The following NPHP4 variants were observed in gnomAD, a reference collection of about 807,000 sequenced individuals.
NPHP4 encodes the protein nephrocystin-4.
A neutral mutation model predicts 155.8 loss-of-function variants in NPHP4; 151 were observed. The observed-to-expected ratio is 0.97, with a 90% CI of 0.85 to 1.11. The LOEUF is 1.11. NPHP4 is among the 50% of genes least tolerant of loss of function. NPHP4 has a pLI of 0.00. For synonymous variants in NPHP4, 845 were observed against 816.8 expected (o/e 1.03, Z -0.59); for missense variants, 1,956 against 1,925.7 (o/e 1.02, Z -0.29).
At position 5,867,081 on chromosome 1, in the gene NPHP4, T is replaced by A; in HGVS notation, c.3507A>T (p.Pro1169=). Residue 1169 remains proline (P), a synonymous_variant, in exon 25 of 30, where the codon CCA becomes CCT. Coordinates refer to ENST00000378156, the MANE Select transcript of NPHP4 (RefSeq NM_015102.5). This position sits in a 1 kb window ranked among gnomAD's most constrained non-coding sequence, Gnocchi z 4.1. ...TCGGGTCGCTGCAGCGAACATGGAC[T>A]GGGGGGTCCTCACCAAGCATTCCCA... ...APVGMLGEDP[P]VHVRCSDPNV... The A allele has an allele frequency of 6.2e-7, 1 of 1,612,992 alleles. No individual in the cohort carries two copies. Among genetic ancestry groups the A allele is most frequent in the Non-Finnish European group, 8.5e-7 (1 of 1,179,522 alleles).
rs983911808 is a variant in NPHP4 at position 5,888,062 on chromosome 1, G to A, written c.2305-596C>T. The stretch of plus-strand genomic sequence containing the variant: ...GGTAGAGGCCCGTGGGGCCCAGGGA[G>A]GGGCCATGGGGCACGAGAGGCCCGC... On this transcript the variant is annotated intron_variant, in intron 17 of 29. Transcript: ENST00000378156. 1.2e-4 allele frequency among the ~76,000 whole-genome samples: 19 copies of A among 152,286 alleles called. No homozygotes were observed. In the East Asian group the frequency reaches 3.7e-3, roughly 29 times the overall value.
chr1:5,919,959 G>A lies in NPHP4; in HGVS notation c.1441+7690C>T, dbSNP rs151172979. 1.2e-4 allele frequency among the ~76,000 whole-genome samples: 18 copies of A among 152,214 alleles called. No individual in the cohort carries two copies. In the East Asian group the frequency reaches 3.3e-3, roughly 28 times the overall value. On this transcript the variant is annotated intron_variant, in intron 11 of 29. Coordinates refer to ENST00000378156, the MANE Select transcript of NPHP4 (RefSeq NM_015102.5). Reference sequence around the variant, plus strand: ...ATCTACCTATCTATCTAGAGACAGAGTCTCACTCTATCGTCCAGGCTGGAG... The same window carrying A: ...ATCTACCTATCTATCTAGAGACAGAATCTCACTCTATCGTCCAGGCTGGAG...
intron 3 of NPHP4, among the ~76,000 whole-genome samples, chr1:5,975,831 G>T (rs1044607771): frequency 6.6e-6 from 1 of 152,240 alleles, no homozygotes; most frequent in Non-Finnish European, 1.5e-5. Context: ...AGGGCAGAGA[G>T]AGGCATCCAT....
At chr1:5,966,687 C>T (rs1305343440) in intron 5 of NPHP4, among the ~76,000 whole-genome samples, 1 of 152,174 alleles carries the variant, frequency 6.6e-6, no homozygotes, top group Non-Finnish European at 1.5e-5. Context: ...CCCACACTCC[C>T]CCAACTGCTA....
intron 10 of NPHP4, among the ~76,000 whole-genome samples, chr1:5,929,305 A>G (rs193291767): frequency 2.0e-5 from 3 of 152,282 alleles, no homozygotes; most frequent in African/African-American, 7.2e-5. Context: ...GACTTACAGC[A>G]CTGACTACAA....
At position 5,978,215 on chromosome 1, in the gene NPHP4, C is replaced by T. The variant is rs1654036913; in HGVS notation, c.279+55G>A. The T allele has an allele frequency of 2.6e-6, 4 of 1,548,226 alleles. No homozygotes were observed. The Admixed American group carries it at 7.5e-5, about 29-fold the overall frequency. On this transcript the variant is annotated intron_variant, in intron 3 of 29. Transcript: ENST00000378156. ...TCTCTGGGCTGCCACCCAGGACCAC[C>T]CGCACACACACCCTCCGCCTTGGAG...
At chr1:5,983,341 T>G (rs1237802402) in intron 2 of NPHP4, among the ~76,000 whole-genome samples, 1 of 152,210 alleles carries the variant, frequency 6.6e-6, no homozygotes, top group Non-Finnish European at 1.5e-5. Flanking sequence ...AACTTAGATT[T>G]CAAGAGAGTT....
intron 20 of NPHP4, 132 bp downstream of exon 20, chr1:5,876,961 T>C (rs1642668932): frequency 1.6e-6 from 1 of 635,930 alleles, no homozygotes; most frequent in Non-Finnish European, 2.3e-6. Context: ...AAAAGTCCGA[T>C]TTTCTTATAT....
Position 5,867,799 on chromosome 1 carries a change from TGATA to T in NPHP4, c.3409_3412del (p.Tyr1137ThrfsTer7), listed in dbSNP as rs762371581. The T allele has an allele frequency of 2.4e-5, 39 of 1,612,508 alleles. No homozygotes were observed. Among genetic ancestry groups the T allele is most frequent in the Non-Finnish European group, 3.3e-5 (39 of 1,179,824 alleles). On this transcript the variant is annotated frameshift_variant, in exon 24 of 30. Coordinates refer to ENST00000378156, the MANE Select transcript of NPHP4 (RefSeq NM_015102.5). LOFTEE classifies it high-confidence loss of function. The surrounding 1 kb of genome is among the most constrained non-coding windows in gnomAD (Gnocchi z 4.1). ...CTTCTTCAGGAAGGAGAGCTCCGGG[TGATA>T]GAAGCGGAAGACCTGGTCCACCACG...
chr1:5,901,974 C>T (rs958914368), intron 16 of NPHP4, among the ~76,000 whole-genome samples: 3 of 152,160 alleles, frequency 2.0e-5, no homozygotes, highest in Non-Finnish European at 4.4e-5. Context: ...AAGGCCACAC[C>T]CCTGGTTGGC....
intron 2 of NPHP4, among the ~76,000 whole-genome samples, chr1:5,978,680 A>C (rs746962110): frequency 1.3e-5 from 2 of 152,146 alleles, no homozygotes; most frequent in Non-Finnish European, 2.9e-5. Context: ...GACGCACAAG[A>C]GGACATGACC....
intron 23 of NPHP4, among the ~76,000 whole-genome samples, chr1:5,869,440 A>G (rs1641776551): frequency 6.6e-6 from 1 of 152,270 alleles, no homozygotes; most frequent in Admixed American, 6.5e-5. Flanking sequence ...GAATGGAAAC[A>G]AGATCCTTCC....
At chr1:5,873,190 G>A in intron 23 of NPHP4, 62 bp downstream of exon 23, 1 of 1,400,968 alleles carries the variant, frequency 7.1e-7, no homozygotes, top group Non-Finnish European at 1.0e-6. Flanking sequence ...AGGACACAAG[G>A]GTCAGGCCCT....
chr1:5,939,512 G>A (rs1646715277), intron 9 of NPHP4, among the ~76,000 whole-genome samples: 1 of 152,238 alleles, frequency 6.6e-6, no homozygotes, highest in African/African-American at 2.4e-5. Context: ...AGCCTAGTCT[G>A]AGGCCTGGTG....
At chr1:5,874,429 C>G in intron 22 of NPHP4, 42 bp downstream of exon 22, 1 of 1,466,236 alleles carries the variant, frequency 6.8e-7, no homozygotes, top group Non-Finnish European at 9.1e-7. Flanking sequence ...TTCCCACCGT[C>G]ATCAGCCAAA....
intron 27 of NPHP4, chr1:5,864,783 C>G: frequency 1.9e-6 from 1 of 538,696 alleles, no homozygotes; most frequent in Non-Finnish European, 3.3e-6. Context: ...CTTAAAACCC[C>G]GGCCAGCTGG....
Position 5,867,129 on chromosome 1 carries a change from A to C in NPHP4, c.3473-14T>G. ...CCACCGGAGCACCTGGAGCAGGGGAAATGTCAAAAAGAGTCTTCTCCACAG... is the reference window on the plus strand; with the variant it reads ...CCACCGGAGCACCTGGAGCAGGGGACATGTCAAAAAGAGTCTTCTCCACAG... On this transcript the variant is annotated splice_polypyrimidine_tract_variant and intron_variant, in intron 24 of 29. Coordinates refer to ENST00000378156, the MANE Select transcript of NPHP4 (RefSeq NM_015102.5). The surrounding 1 kb of genome is among the most constrained non-coding windows in gnomAD (Gnocchi z 4.1). The C allele has an allele frequency of 6.2e-7, 1 of 1,600,732 alleles. No individual in the cohort carries two copies. Among genetic ancestry groups the C allele is most frequent in the South Asian group, 1.1e-5 (1 of 89,222 alleles).
intron 1 of NPHP4, among the ~76,000 whole-genome samples, chr1:5,991,881 T>A (rs1656394374): frequency 7.5e-6 from 1 of 133,220 alleles, no homozygotes; most frequent in African/African-American, 2.8e-5. Context: ...GCCCAGAACA[T>A]CGGTACCGCG....
intron 9 of NPHP4, 24 bp from the exon 10 acceptor site, chr1:5,933,353 G>A (rs747728507): frequency 1.2e-5 from 19 of 1,599,024 alleles, no homozygotes; most frequent in South Asian, 3.3e-5. Flanking sequence ...AAAGCACATC[G>A]GTGTATGAGT....
Sources: gnomAD v4.1 joint callset for allele counts (sites outside exome capture counted in the v4.1 genomes callset) on GRCh38, gnomAD v4.1.1 for gene constraint, Gnocchi (gnomAD v3.1) non-coding constraint, MANE v1.5 for transcripts, NCBI Gene and HGNC (gene_info 2026-07-23, HGNC 2026-07-21) for gene names.